NR3C2: variants seen among roughly 807,000 people sequenced by gnomAD.
NR3C2 encodes the protein nuclear receptor subfamily 3 group C member 2.
NR3C2 carries 15 observed loss-of-function variants against 86.4 expected under a neutral mutation model. The ratio of observed to expected loss-of-function variants is 0.17; its 90% CI spans 0.12 to 0.27. The LOEUF (loss-of-function observed/expected upper bound fraction) is 0.27. Ranked by LOEUF, NR3C2 falls within the 10% of genes least tolerant of loss-of-function variation. The probability of loss-of-function intolerance (pLI) is 1.00; values close to 1 mark genes in which losing one functional copy is unlikely to be tolerated. For missense variants in NR3C2, 960 were observed against 1,195.6 expected, an observed-to-expected ratio of 0.80 and a Z score of 2.91; for synonymous variants, 458 against 450.5, an observed-to-expected ratio of 1.02 and a Z score of -0.21.
At chr4:148,126,151 C>T (rs1012087033) in intron 6 of NR3C2, among the ~76,000 whole-genome samples, 3 of 152,186 alleles carry the variant, frequency 2.0e-5, no homozygotes, top group African/African-American at 4.8e-5. Flanking sequence ...AGCATGCTGG[C>T]TTTGTGATCT....
intron 8 of NR3C2, among the ~76,000 whole-genome samples, chr4:148,082,295 C>T (rs1278099728): frequency 6.6e-6 from 1 of 152,228 alleles, no homozygotes; most frequent in East Asian, 1.9e-4. Context: ...ATAGGAACAG[C>T]TCTGGTCTGC....
intron 2 of NR3C2, among the ~76,000 whole-genome samples, chr4:148,374,455 A>C (rs771964494): frequency 6.6e-6 from 1 of 152,234 alleles, no homozygotes; most frequent in Non-Finnish European, 1.5e-5. Flanking sequence ...TCAGATTATT[A>C]TTCAATGAAG....
chr4:148,426,323 T>C (rs1749527335), intron 2 of NR3C2, among the ~76,000 whole-genome samples: 1 of 152,186 alleles, frequency 6.6e-6, no homozygotes, highest in African/African-American at 2.4e-5. Flanking sequence ...ATTCCTGGTC[T>C]TCCCAACCCT....
chr4:148,223,191 T>C (rs1328593623), intron 3 of NR3C2, among the ~76,000 whole-genome samples: 1 of 152,212 alleles, frequency 6.6e-6, no homozygotes, highest in East Asian at 1.9e-4. Flanking sequence ...AATACAGAGC[T>C]ATGCAGCAAG....
intron 2 of NR3C2, among the ~76,000 whole-genome samples, chr4:148,268,097 C>T (rs976358239): frequency 6.6e-6 from 1 of 152,046 alleles, no homozygotes; most frequent in African/African-American, 2.4e-5. Context: ...CACCACCAAG[C>T]CTGGCTAATT....
Position 148,154,852 on chromosome 4 carries a change from C to A in NR3C2, c.2064G>T (p.Gln688His). The change falls in exon 5 of 9, where the codon CAG becomes CAT. Residue 688 changes from glutamine (Q) to histidine (H), a missense_variant. Coordinates refer to ENST00000358102, the MANE Select transcript of NR3C2 (RefSeq NM_000901.5). ...GGGGTGGGGGCTGCTGCTGCTGTGG[C>A]TGCTCCTCGTGAATCCCTTTTAACT... The part of the protein sequence containing the change: ...LGKLKGIHEE[Q>H]PQQQQPPPPP... 1 of 1,588,248 alleles carries A rather than the reference C, an allele frequency of 6.3e-7. No homozygotes were observed. Among genetic ancestry groups the A allele is most frequent in the Non-Finnish European group, 8.6e-7 (1 of 1,166,572 alleles).
At chr4:148,262,491 T>C (rs1398419767) in intron 2 of NR3C2, among the ~76,000 whole-genome samples, 5 of 152,154 alleles carry the variant, frequency 3.3e-5, no homozygotes, top group East Asian at 1.9e-4. Flanking sequence ...ATGGGCAAAA[T>C]TGCAGATCTT....
chr4:148,269,643 AC>A (rs942015519), intron 2 of NR3C2, among the ~76,000 whole-genome samples: 1 of 150,616 alleles, frequency 6.6e-6, no homozygotes, highest in Non-Finnish European at 1.5e-5. Context: ...ACAACAAAAA[AC>A]CCCCCCAAAA....
intron 2 of NR3C2, among the ~76,000 whole-genome samples, chr4:148,293,506 C>T (rs1741895879): frequency 6.6e-6 from 1 of 152,152 alleles, no homozygotes; most frequent in Non-Finnish European, 1.5e-5. Context: ...ATGTTACCTC[C>T]TTCAATTCAT....
upstream of NR3C2, among the ~76,000 whole-genome samples, chr4:148,443,649 C>G (rs1418341050): frequency 6.6e-6 from 1 of 152,204 alleles, no homozygotes; most frequent in Non-Finnish European, 1.5e-5. Context: ...TTTTAGGCTC[C>G]CCGCTGGCCC....
chr4:148,381,246 GAGGAAGAACAT>G (rs1746973209), intron 2 of NR3C2, among the ~76,000 whole-genome samples: 1 of 150,146 alleles, frequency 6.7e-6, no homozygotes, highest in Admixed American at 6.6e-5. Flanking sequence ...AAAAAAAAAA[GAGGAAGAACAT>G]TAGGATAAGA....
At chr4:148,182,036 T>C (rs995737471) in intron 4 of NR3C2, among the ~76,000 whole-genome samples, 3 of 152,242 alleles carry the variant, frequency 2.0e-5, no homozygotes, top group African/African-American at 7.2e-5. Context: ...TCTAGTATTT[T>C]GGATTTTATT....
chr4:148,438,433 T>C (rs1337304362), intron 1 of NR3C2, among the ~76,000 whole-genome samples: 1 of 152,186 alleles, frequency 6.6e-6, no homozygotes, highest in Non-Finnish European at 1.5e-5. Flanking sequence ...ACTCCTAAAA[T>C]CTGTATTATG....
intron 4 of NR3C2, among the ~76,000 whole-genome samples, chr4:148,179,250 A>C (rs946337668): frequency 6.6e-6 from 1 of 151,816 alleles, no homozygotes; most frequent in Non-Finnish European, 1.5e-5. Flanking sequence ...CTACTTGGAA[A>C]GAGAAAGGAC....
intron 2 of NR3C2, among the ~76,000 whole-genome samples, chr4:148,403,363 T>G (rs1748262003): frequency 6.6e-6 from 1 of 152,060 alleles, no homozygotes; most frequent in Non-Finnish European, 1.5e-5. Context: ...GGTAATATCT[T>G]TATTACAGAC....
chr4:148,117,607 T>C (rs1473450465), intron 7 of NR3C2, among the ~76,000 whole-genome samples: 1 of 152,164 alleles, frequency 6.6e-6, no homozygotes, highest in Non-Finnish European at 1.5e-5. Flanking sequence ...AATTAGATAA[T>C]ATATGGAAAA....
chr4:148,105,195 TA>T (rs1320115645), intron 8 of NR3C2, among the ~76,000 whole-genome samples: 1 of 152,016 alleles, frequency 6.6e-6, no homozygotes, highest in Non-Finnish European at 1.5e-5. Flanking sequence ...TAAAAAATAA[TA>T]AAGGGGACAT....
intron 6 of NR3C2, among the ~76,000 whole-genome samples, chr4:148,147,113 G>A (rs1211302582): frequency 6.6e-6 from 1 of 152,140 alleles, no homozygotes; most frequent in Non-Finnish European, 1.5e-5. Context: ...TTTATAATAA[G>A]AAAAGTTCTA....
At chr4:148,239,931 G>A (rs1182565585) in intron 3 of NR3C2, among the ~76,000 whole-genome samples, 5 of 151,960 alleles carry the variant, frequency 3.3e-5, no homozygotes, top group Non-Finnish European at 7.4e-5. Context: ...CCTCTTTCAC[G>A]ATGATGGGGT....
Sources: allele counts gnomAD v4.1 joint callset (sites outside exome capture counted in the v4.1 genomes callset), GRCh38; gene constraint gnomAD v4.1.1; transcripts MANE v1.5; gene names NCBI Gene and HGNC (gene_info 2026-07-23, HGNC 2026-07-21).